SPIN2A: variants seen among roughly 807,000 people sequenced by gnomAD.
The protein encoded by SPIN2A is spindlin family member 2A.
In SPIN2A, 4 loss-of-function variants were observed where a neutral mutation model predicts 9.2. The ratio of observed to expected loss-of-function variants is 0.44; its 90% CI spans 0.21 to 1.00. The LOEUF is 1.00. SPIN2A is among the 50% of genes least tolerant of loss of function. SPIN2A has a pLI of 0.26. For synonymous variants in SPIN2A, 25 were observed against 61.2 expected (o/e 0.41, Z 2.76); for missense variants, 77 against 172.8 (o/e 0.45, Z 3.11).
Position 57,137,278 on chromosome X carries a change from G to A in SPIN2A, c.-24C>T, listed in dbSNP as rs907573195. On this transcript the variant is annotated 5_prime_UTR_variant, in exon 1 of 2. Transcript: ENST00000374906. ...CGGATACCTCGATGCTGCCTCTGCT[G>A]TGAGCCTGTGGCGAAGGAGGGTCAA... The A allele has an allele frequency of 1.7e-5, 13 of 759,948 alleles. No individual in the cohort carries two copies. In the South Asian group the frequency reaches 1.9e-4, roughly 11 times the overall value. 62.6% of individuals were successfully genotyped at this position (759,948 alleles called of 1,213,427 possible).
At chrX:57,146,564 C>T in the SPIN2A span, among the ~76,000 whole-genome samples, 1 of 111,801 alleles carries the variant, frequency 8.9e-6, no homozygotes, top group Admixed American at 9.5e-5. Flanking sequence ...ATTTCTTTGT[C>T]TTGTCTGATT....
rs1311306345 is a variant in SPIN2A, at chrX:57,135,854, A to G, written c.744T>C (p.His248=). The part of the protein sequence containing the change: ...VYFIKFDDDF[H]IYVYDLVKKS Reference sequence around the variant, plus strand: ...TTTTCACCAAATCGTAGACATAGATATGGAAATCATCATCAAACTTGATGA... The same window carrying G: ...TTTTCACCAAATCGTAGACATAGATGTGGAAATCATCATCAAACTTGATGA... Residue 248 remains histidine (H), a synonymous_variant, in exon 2 of 2, where the codon CAT becomes CAC. Transcript: ENST00000374906. 1 of 1,208,379 alleles carries G rather than the reference A, an allele frequency of 8.3e-7. No homozygotes were observed. The highest frequency in any genetic ancestry group is 2.2e-5 in the Admixed American group (1 of 45,664).
At chrX:57,143,799 T>C in the SPIN2A span, among the ~76,000 whole-genome samples, 5 of 111,817 alleles carry the variant, frequency 4.5e-5, no homozygotes, top group Non-Finnish European at 9.4e-5. Flanking sequence ...TTGATAGCTT[T>C]GTCTTTTAGT....
upstream of SPIN2A, among the ~76,000 whole-genome samples, chrX:57,141,252 ATGT>A (rs1927996450): frequency 8.9e-6 from 1 of 112,012 alleles, no homozygotes; most frequent in Admixed American, 9.4e-5. Flanking sequence ...TGATTTGTGT[ATGT>A]TGAACCATCA....
Position 57,135,756 on chromosome X carries a change from C to T in SPIN2A, c.*65G>A, listed in dbSNP as rs1927682629. On this transcript the variant is annotated 3_prime_UTR_variant, in exon 2 of 2. Transcript: ENST00000374906. Reference sequence around the variant, plus strand: ...AAGCTTTCAGTACACTGAAAGGCAACATTTTTTGCATGTCTACAAATTATA... The same window carrying T: ...AAGCTTTCAGTACACTGAAAGGCAATATTTTTTGCATGTCTACAAATTATA... 4.3e-6 allele frequency: 5 copies of T among 1,165,818 alleles called. No individual in the cohort carries two copies. Among genetic ancestry groups the T allele is most frequent in the Non-Finnish European group, 5.7e-6 (5 of 872,198 alleles).
At chrX:57,143,563 GC>G in the SPIN2A span, among the ~76,000 whole-genome samples, 2 of 110,257 alleles carry the variant, frequency 1.8e-5, no homozygotes, top group African/African-American at 3.3e-5. Context: ...TGCAACCTCT[GC>G]CCCCCAGGCT....
chrX:57,147,147 C>A, the SPIN2A span, among the ~76,000 whole-genome samples: 1 of 111,632 alleles, frequency 9.0e-6, no homozygotes, highest in Non-Finnish European at 1.9e-5. Flanking sequence ...TACCTATGTT[C>A]TTTCAATGTC....
At chrX:57,146,003 A>AT in the SPIN2A span, among the ~76,000 whole-genome samples, 27 of 101,885 alleles carry the variant, frequency 2.7e-4, no homozygotes, top group East Asian at 9.2e-4. Flanking sequence ...ATGCCTCCAA[A>AT]TTTTTTTTTT....
chrX:57,145,082 AT>A, the SPIN2A span, among the ~76,000 whole-genome samples: 1 of 111,338 alleles, frequency 9.0e-6, no homozygotes, highest in South Asian at 3.7e-4. Context: ...GGGTAGTGGG[AT>A]TGCTGGATCA....
the SPIN2A span, among the ~76,000 whole-genome samples, chrX:57,146,732 A>G: frequency 8.9e-6 from 1 of 112,050 alleles, no homozygotes; most frequent in African/African-American, 3.2e-5. Context: ...ACATTCAGGT[A>G]TGTCTCTTCT....
At chrX:57,140,133 T>C (rs1178406922), upstream of SPIN2A, among the ~76,000 whole-genome samples, 1 of 111,704 alleles carries the variant, frequency 9.0e-6, no homozygotes, top group Non-Finnish European at 1.9e-5. Flanking sequence ...AGGGATTGCT[T>C]TCTTGATTTC....
In SPIN2A at chrX:57,136,204, C is replaced by A. The variant is rs1927728320; in HGVS notation, c.394G>T (p.Ala132Ser). 1 of 1,210,889 alleles carries A rather than the reference C, an allele frequency of 8.3e-7. No homozygotes were observed. Among genetic ancestry groups the A allele is most frequent in the African/African-American group, 1.7e-5 (1 of 57,522 alleles). Reference sequence around the variant, plus strand: ...TCTCCCTCAAACATGTGTTCCACTGCTTTGCCAATTATGGTATTTGCAAGG... The same window carrying A: ...TCTCCCTCAAACATGTGTTCCACTGATTTGCCAATTATGGTATTTGCAAGG... ...ANLANTIIGK[A>S]VEHMFEGEHG... is the part of the protein sequence containing the mutation. The change falls in exon 2 of 2, where the codon GCA (alanine) becomes TCA (serine). Residue 132 changes from alanine (A) to serine (S), a missense_variant. Ala to Ser is a moderately conservative substitution (Grantham distance 99). Transcript: ENST00000374906.
upstream of SPIN2A, among the ~76,000 whole-genome samples, chrX:57,139,243 T>G (rs1376185361): frequency 8.9e-6 from 1 of 112,342 alleles, no homozygotes; most frequent in Non-Finnish European, 1.9e-5. Context: ...TGGTGAGAGA[T>G]AGATATGTCT....
At chrX:57,141,581 G>T (rs139160063), upstream of SPIN2A, among the ~76,000 whole-genome samples, 1 of 111,080 alleles carries the variant, frequency 9.0e-6, no homozygotes, top group East Asian at 2.8e-4. Flanking sequence ...ATTGATGGGA[G>T]ATATTTTATT....
chrX:57,137,039 G>T, intron 1 of SPIN2A: 3 of 823,881 alleles, frequency 3.6e-6, no homozygotes, highest in South Asian at 5.3e-5. Flanking sequence ...CTTGCTTCCT[G>T]GCGCTCACCT....
At chrX:57,146,433 C>G in the SPIN2A span, among the ~76,000 whole-genome samples, 915 of 111,996 alleles carry the variant, frequency 8.2e-3, 9 homozygotes, top group African/African-American at 0.028. Context: ...TGAAACTTTG[C>G]TGAATTCATT....
chrX:57,142,173 A>G (rs926637933), upstream of SPIN2A, among the ~76,000 whole-genome samples: 2 of 110,455 alleles, frequency 1.8e-5, no homozygotes, highest in Admixed American at 1.9e-4. Flanking sequence ...TTAATTTTCT[A>G]CTTCTTTAAG....
chrX:57,145,744 A>T, the SPIN2A span, among the ~76,000 whole-genome samples: 1 of 112,033 alleles, frequency 8.9e-6, no homozygotes. Context: ...ATAAAGTGAG[A>T]GATGAGGATC....
chrX:57,141,006 G>A (rs1224081754), upstream of SPIN2A, among the ~76,000 whole-genome samples: 1 of 112,030 alleles, frequency 8.9e-6, no homozygotes, highest in Non-Finnish European at 1.9e-5. Flanking sequence ...CAGTCATTTT[G>A]TCTTGTTCCA....
Sources: gnomAD v4.1 joint callset for allele counts (sites outside exome capture counted in the v4.1 genomes callset) on GRCh38, gnomAD v4.1.1 for gene constraint, MANE v1.5 for transcripts, NCBI Gene and HGNC (gene_info 2026-07-23, HGNC 2026-07-21) for gene names.